Variants in METTL14 observed in about 807,000 individuals in gnomAD.
METTL14 encodes methyltransferase 14, N6-adenosine-methyltransferase non-catalytic subunit.
Under a neutral mutation model 62.4 loss-of-function variants are expected in METTL14, and 32 were observed. The ratio of observed to expected loss-of-function variants is 0.51; its 90% CI spans 0.39 to 0.69. The LOEUF is 0.69. Among genes scored for constraint, METTL14 ranks in the 30% least tolerant of loss-of-function variants. METTL14 has a pLI of 0.00. For missense variants in METTL14, 340 were observed against 551.9 expected (o/e 0.62, Z 3.85); for synonymous variants, 150 against 180.0 (o/e 0.83, Z 1.34).
chr4:118,688,179 T>C (rs1322506523), intron 2 of METTL14, among the ~76,000 whole-genome samples, 168 bp downstream of exon 2: 1 of 151,810 alleles, frequency 6.6e-6, no homozygotes, highest in Admixed American at 6.6e-5. Flanking sequence ...AGATTACAGA[T>C]ATGAGCCACT....
chr4:118,700,954 A>G (rs1450124574), intron 8 of METTL14, among the ~76,000 whole-genome samples: 5 of 152,142 alleles, frequency 3.3e-5, no homozygotes, highest in African/African-American at 4.8e-5. Flanking sequence ...ATCATTTACA[A>G]TTCTTTATGA....
chr4:118,691,923 G>T, intron 4 of METTL14, 58 bp from the exon 5 acceptor site: 1 of 1,093,850 alleles, frequency 9.1e-7, no homozygotes, highest in South Asian at 1.3e-5. Context: ...ACAGTACAGA[G>T]ATAATTTATC....
At position 118,705,822 on chromosome 4, in the gene METTL14, G is replaced by C. The variant is rs957814054; in HGVS notation, c.1066+1G>C. On this transcript the variant is annotated splice_donor_variant, in intron 10 of 10. Transcript: ENST00000388822. LOFTEE classifies it high-confidence loss of function. ...GGAAGAGATAGTACAATTCGACCAG[G>C]TAGGACCTCAGTTAACAACAACTTT... 1.2e-6 allele frequency: 2 copies of C among 1,609,244 alleles called. No homozygotes were observed. Among genetic ancestry groups the C allele is most frequent in the Non-Finnish European group, 1.7e-6 (2 of 1,176,572 alleles).
At chr4:118,700,750 T>C (rs1209534021) in intron 8 of METTL14, 108 bp downstream of exon 8, 1 of 693,756 alleles carries the variant, frequency 1.4e-6, no homozygotes, top group African/African-American at 1.8e-5. Flanking sequence ...CTTTGTTTCT[T>C]AAATAATTCT....
intron 1 of METTL14, among the ~76,000 whole-genome samples, chr4:118,686,046 AAG>A (rs1724045621): frequency 6.6e-6 from 1 of 152,212 alleles, no homozygotes; most frequent in Admixed American, 6.5e-5. Flanking sequence ...ACAACACTGG[AAG>A]TAGCCTGAGT....
intron 8 of METTL14, among the ~76,000 whole-genome samples, 195 bp from the exon 9 acceptor site, chr4:118,703,740 G>T (rs1183833782): frequency 6.6e-6 from 1 of 152,082 alleles, no homozygotes; most frequent in African/African-American, 2.4e-5. Flanking sequence ...AGATATATAT[G>T]CATTCCGTAT....
chr4:118,689,476 A>C lies in METTL14; in HGVS notation c.243+19A>C, dbSNP rs1366730939. On this transcript the variant is annotated intron_variant, in intron 3 of 10. Coordinates refer to ENST00000388822, the MANE Select transcript of METTL14 (RefSeq NM_020961.4). ...ATATAAGGCAAGTAGAGAGTGAAATAAGTTTATGGTCAAAGAAAACATAAA... is the reference window on the plus strand; with the variant it reads ...ATATAAGGCAAGTAGAGAGTGAAATCAGTTTATGGTCAAAGAAAACATAAA... The C allele has an allele frequency of 2.2e-6, 3 of 1,362,248 alleles. No homozygotes were observed. The highest frequency in any genetic ancestry group is 3.1e-6 in the Non-Finnish European group (3 of 970,078). The allele number at this position is 1,362,248 out of a possible 1,614,324, so 84.4% of individuals were successfully genotyped here. A position where few individuals can be genotyped will look rare whatever the true frequency, so the allele number is the denominator to read the frequency against.
rs781544771 is a variant in METTL14, at chr4:118,685,488, C to T, written c.-47C>T. ...GGAAGAAAGGTTGGATAAGAGTTCA[C>T]TGGAGATTGACAAGTACTCGGGATA... On this transcript the variant is annotated 5_prime_UTR_variant, in exon 1 of 11. Coordinates refer to ENST00000388822, the MANE Select transcript of METTL14 (RefSeq NM_020961.4). 6.4e-7 allele frequency: 1 copy of T among 1,574,570 alleles called. No homozygotes were observed. The highest frequency in any genetic ancestry group is 2.2e-5 in the East Asian group (1 of 44,676).
intron 8 of METTL14, among the ~76,000 whole-genome samples, chr4:118,703,101 C>G (rs1425874704): frequency 6.6e-6 from 1 of 151,952 alleles, no homozygotes; most frequent in African/African-American, 2.4e-5. Context: ...CTAATGCTGT[C>G]CCTCCCCTAG....
At position 118,705,523 on chromosome 4, in the gene METTL14, G is replaced by T. The variant is rs554176628; in HGVS notation, c.856-88G>T. On this transcript the variant is annotated intron_variant, in intron 9 of 10. Coordinates refer to ENST00000388822, the MANE Select transcript of METTL14 (RefSeq NM_020961.4). ...CCAAAGATTCCGAGAAATGAGGATT[G>T]TTTTAGAATTGAGGACATCAGAAAT... The T allele has an allele frequency of 1.3e-3, 1,316 of 1,034,968 alleles. 4 individuals carry two copies. The highest frequency in any genetic ancestry group is 1.8e-3 in the Non-Finnish European group (1,186 of 671,984). 64.1% of individuals were successfully genotyped at this position (1,034,968 alleles called of 1,614,324 possible). A position where few individuals can be genotyped will look rare whatever the true frequency, so the allele number is the denominator to read the frequency against.
intron 10 of METTL14, 35 bp from the exon 11 acceptor site, chr4:118,709,963 A>G: frequency 6.5e-7 from 1 of 1,547,578 alleles, no homozygotes; most frequent in Non-Finnish European, 8.7e-7. Flanking sequence ...GAGAATTGCA[A>G]ATAAAAAGTA....
intron 8 of METTL14, among the ~76,000 whole-genome samples, chr4:118,701,592 T>G (rs1399832817): frequency 6.6e-6 from 1 of 152,194 alleles, no homozygotes; most frequent in African/African-American, 2.4e-5. Flanking sequence ...TGCTCTCAAT[T>G]CAGCTGCTAT....
chr4:118,700,816 T>G (rs981748069), intron 8 of METTL14, among the ~76,000 whole-genome samples, 174 bp downstream of exon 8: 8 of 152,166 alleles, frequency 5.3e-5, no homozygotes, highest in Admixed American at 5.2e-4. Context: ...GCAATACTTG[T>G]AAGTTAGTTT....
chr4:118,690,553 G>A (rs371024609), intron 3 of METTL14, among the ~76,000 whole-genome samples: 11 of 151,958 alleles, frequency 7.2e-5, no homozygotes, highest in African/African-American at 2.2e-4. Flanking sequence ...GGTGGCACAC[G>A]CCTGTAATCC....
At chr4:118,690,206 A>G (rs991015134) in intron 3 of METTL14, among the ~76,000 whole-genome samples, 2 of 150,352 alleles carry the variant, frequency 1.3e-5, no homozygotes, top group African/African-American at 4.9e-5. Flanking sequence ...ACGCCCGGCT[A>G]TTTTTGTATT....
Position 118,689,451 on chromosome 4 carries a change from A to G in METTL14, c.237A>G (p.Glu79=), listed in dbSNP as rs62328061. The G allele has an allele frequency of 0.049, 75,992 of 1,565,960 alleles. 2,813 individuals are homozygous for G. Among genetic ancestry groups the G allele is most frequent in the East Asian group, 0.19 (8,547 of 44,208 alleles). Residue 79 remains glutamate, a synonymous_variant, in exon 3 of 11, where the codon GAA becomes GAG. Transcript: ENST00000388822. The part of the protein sequence containing the change: ...EGETDEDKME[E]YKDELEMQQD... ...AGACAGATGAAGACAAAATGGAAGA[A>G]TATAAGGCAAGTAGAGAGTGAAATA...
At chr4:118,709,197 A>G (rs1029281155) in intron 10 of METTL14, among the ~76,000 whole-genome samples, 1 of 152,244 alleles carries the variant, frequency 6.6e-6, no homozygotes, top group Admixed American at 6.5e-5. Flanking sequence ...AGCAGTTACT[A>G]TAGTAGTTCA....
At chr4:118,709,816 A>T (rs1344906001) in intron 10 of METTL14, among the ~76,000 whole-genome samples, 182 bp from the exon 11 acceptor site, 1 of 152,206 alleles carries the variant, frequency 6.6e-6, no homozygotes, top group South Asian at 2.1e-4. Flanking sequence ...GAGAAACAAG[A>T]TATATACCTG....
Position 118,696,315 on chromosome 4 carries a change from C to T in METTL14, c.504-867C>T, listed in dbSNP as rs368770967. 1.3e-4 allele frequency among the ~76,000 whole-genome samples: 20 copies of T among 151,614 alleles called. 1 individual carries two copies. In the East Asian group the frequency reaches 2.5e-3, roughly 19 times the overall value. Reference sequence around the variant, plus strand: ...GGGTCTCACTGTCTCTATTTTGAGACCAGGCTGGTCTCAAACTCCTGGGGT... The same window carrying T: ...GGGTCTCACTGTCTCTATTTTGAGATCAGGCTGGTCTCAAACTCCTGGGGT... On this transcript the variant is annotated intron_variant, in intron 6 of 10. Transcript: ENST00000388822.
Sources: gnomAD v4.1 joint callset for allele counts (sites outside exome capture counted in the v4.1 genomes callset) on GRCh38, gnomAD v4.1.1 for gene constraint, MANE v1.5 for transcripts, NCBI Gene and HGNC (gene_info 2026-07-23, HGNC 2026-07-21) for gene names.